CSMD3: variants seen among roughly 807,000 people sequenced by gnomAD.
CSMD3 encodes CUB and Sushi multiple domains 3, also known as CUB and sushi domain-containing protein 3.
Under a neutral mutation model 435.2 loss-of-function variants are expected in CSMD3, and 177 were observed. That is an observed-to-expected ratio of 0.41 (90% CI 0.36 to 0.46). The LOEUF (loss-of-function observed/expected upper bound fraction) is 0.46. Among genes scored for constraint, CSMD3 ranks in the 20% least tolerant of loss-of-function variants. The pLI, the probability that CSMD3 is intolerant of heterozygous loss-of-function variation, is 0.34. For synonymous variants in CSMD3, 1,656 were observed against 1,520.5 expected, an observed-to-expected ratio of 1.09 and a Z score of -2.07; for missense variants, 4,265 against 4,504.6, an observed-to-expected ratio of 0.95 and a Z score of 1.52.
intron 4 of CSMD3, among the ~76,000 whole-genome samples, chr8:113,162,571 C>CAAAA (rs753811903): frequency 5.0e-5 from 3 of 59,782 alleles, no homozygotes; most frequent in Non-Finnish European, 6.6e-5. Flanking sequence ...GTCCCCACAT[C>CAAAA]AAAAAAAAAA....
chr8:112,689,935 T>C lies in CSMD3; in HGVS notation c.2088A>G (p.Leu696=). The change falls in exon 14 of 71, where the codon TTA becomes TTG. Residue 696 remains leucine, a synonymous_variant. Coordinates refer to ENST00000297405, the MANE Select transcript of CSMD3 (RefSeq NM_198123.2). ...LRFECQFGFE[L]IGEKSIVCQE... The stretch of plus-strand genomic sequence containing the variant: ...GACAAACAATGGATTTCTCTCCAAT[T>C]AATTCAAACCCAAACTGGCATTCAA... 1.2e-6 allele frequency: 2 copies of C among 1,613,378 alleles called. No homozygotes were observed. The highest frequency in any genetic ancestry group is 1.7e-6 in the Non-Finnish European group (2 of 1,179,506).
At chr8:113,281,396 A>G (rs1049520341) in intron 2 of CSMD3, among the ~76,000 whole-genome samples, 22 of 151,904 alleles carry the variant, frequency 1.4e-4, no homozygotes, top group Middle Eastern at 3.2e-3. Context: ...TTCCTGTTGG[A>G]CAAGGCCTTT....
chr8:112,582,032 A>C (rs148605516), intron 23 of CSMD3, among the ~76,000 whole-genome samples: 1 of 152,192 alleles, frequency 6.6e-6, no homozygotes, highest in African/African-American at 2.4e-5. Context: ...GTGCCTTCCA[A>C]ATCTCATGTC....
intron 17 of CSMD3, among the ~76,000 whole-genome samples, chr8:112,661,203 T>A (rs2075372027): frequency 6.6e-6 from 1 of 152,180 alleles, no homozygotes; most frequent in Non-Finnish European, 1.5e-5. Context: ...GAAATTAATT[T>A]AAGTTTATGC....
In CSMD3 at chr8:113,317,379, C is replaced by G. The variant is rs1040605386; in HGVS notation, c.179-2586G>C. On this transcript the variant is annotated intron_variant, in intron 1 of 70. Coordinates refer to ENST00000297405, the MANE Select transcript of CSMD3 (RefSeq NM_198123.2). ...ATCTACGGGCTGTTTTATATACTCT[C>G]AAGCCCCATAACCCTGATAGTTTTA... Among the ~76,000 whole-genome samples the G allele has an allele frequency of 3.9e-5, 6 of 152,252 alleles. No individual in the cohort carries two copies. The South Asian group carries it at 1.2e-3, about 32-fold the overall frequency.
intron 38 of CSMD3, among the ~76,000 whole-genome samples, chr8:112,361,587 ATATATATATATATAT>A: frequency 3.0e-5 from 1 of 33,216 alleles, no homozygotes; most frequent in East Asian, 1.2e-3. Flanking sequence ...ATATATATAT[ATATATATATATATAT>A]ATATATATAT....
At chr8:112,832,275 C>T (rs1459322783) in intron 11 of CSMD3, among the ~76,000 whole-genome samples, 1 of 152,074 alleles carries the variant, frequency 6.6e-6, no homozygotes, top group Admixed American at 6.6e-5. Context: ...ATAATATCCT[C>T]CTCTTCAGTG....
chr8:113,028,958 C>T (rs951814426), intron 5 of CSMD3, among the ~76,000 whole-genome samples: 3 of 151,574 alleles, frequency 2.0e-5, no homozygotes, highest in African/African-American at 7.2e-5. Context: ...TAGCTTTCTA[C>T]TGAAAGAAAA....
chr8:113,083,550 A>G (rs2089645959), intron 5 of CSMD3, among the ~76,000 whole-genome samples: 1 of 152,146 alleles, frequency 6.6e-6, no homozygotes, highest in Non-Finnish European at 1.5e-5. Flanking sequence ...AATATCTACC[A>G]TCATGAAAAC....
chr8:112,398,583 AT>A (rs1055545702), intron 35 of CSMD3, among the ~76,000 whole-genome samples: 20 of 152,132 alleles, frequency 1.3e-4, no homozygotes, highest in Non-Finnish European at 1.3e-4. Flanking sequence ...CCATAGCTTT[AT>A]TGGGTACCGA....
At chr8:112,823,623 G>T (rs2079589582) in intron 12 of CSMD3, among the ~76,000 whole-genome samples, 1 of 152,122 alleles carries the variant, frequency 6.6e-6, no homozygotes, top group Admixed American at 6.5e-5. Context: ...CCATGTAGTT[G>T]TGTGATTATG....
chr8:112,550,592 A>G (rs959654374), intron 27 of CSMD3, 79 bp downstream of exon 27: 1 of 746,992 alleles, frequency 1.3e-6, no homozygotes, highest in Admixed American at 2.3e-5. Context: ...TAAAATTAAA[A>G]TTTTGAACAG....
intron 53 of CSMD3, among the ~76,000 whole-genome samples, chr8:112,301,078 C>A (rs1010997494): frequency 6.6e-6 from 1 of 151,934 alleles, no homozygotes; most frequent in Non-Finnish European, 1.5e-5. Flanking sequence ...TACTTGCTGT[C>A]AGATCTTGAA....
intron 13 of CSMD3, among the ~76,000 whole-genome samples, chr8:112,743,380 C>T (rs537203140): frequency 1.3e-5 from 2 of 151,776 alleles, no homozygotes; most frequent in Non-Finnish European, 2.9e-5. Flanking sequence ...TATTTTCCAA[C>T]CTCTCATATG....
intron 38 of CSMD3, among the ~76,000 whole-genome samples, chr8:112,363,590 C>T (rs1197668212): frequency 6.6e-6 from 1 of 151,816 alleles, no homozygotes; most frequent in Non-Finnish European, 1.5e-5. Flanking sequence ...CATGATATAA[C>T]TAGAGAAATG....
chr8:113,046,006 T>C (rs2087813727), intron 5 of CSMD3, among the ~76,000 whole-genome samples: 1 of 149,584 alleles, frequency 6.7e-6, no homozygotes, highest in Admixed American at 6.7e-5. Flanking sequence ...CTGAATCGAT[T>C]TACTTTTAAA....
At chr8:113,209,802 A>T (rs1300331584) in intron 3 of CSMD3, among the ~76,000 whole-genome samples, 1 of 152,094 alleles carries the variant, frequency 6.6e-6, no homozygotes, top group Non-Finnish European at 1.5e-5. Flanking sequence ...AGAAAATGCA[A>T]TTTTTATCCA....
At chr8:112,552,569 T>C (rs1827780894) in intron 26 of CSMD3, 25 bp downstream of exon 26, 17 of 1,607,026 alleles carry the variant, frequency 1.1e-5, no homozygotes, top group Non-Finnish European at 1.4e-5. Flanking sequence ...TCCCTAGTAA[T>C]GTTGAGAAAA....
At chr8:112,564,934 T>G (rs183872684) in intron 24 of CSMD3, among the ~76,000 whole-genome samples, 1 of 152,246 alleles carries the variant, frequency 6.6e-6, no homozygotes, top group Admixed American at 6.6e-5. Flanking sequence ...TATTTACATT[T>G]AGGTCTTCAA....
Sources: allele counts gnomAD v4.1 joint callset (sites outside exome capture counted in the v4.1 genomes callset), GRCh38; gene constraint gnomAD v4.1.1; transcripts MANE v1.5; gene names NCBI Gene and HGNC (gene_info 2026-07-23, HGNC 2026-07-21).